GLIS3: variants seen among roughly 807,000 people sequenced by gnomAD.
GLIS3 encodes GLIS family zinc finger 3.
GLIS3 carries 53 observed loss-of-function variants against 78.6 expected under a neutral mutation model. The ratio of observed to expected loss-of-function variants is 0.67; its 90% confidence interval spans 0.54 to 0.85. GLIS3 has a LOEUF of 0.85. Among genes scored for constraint, GLIS3 ranks in the 40% least tolerant of loss-of-function variants. The pLI, the probability that GLIS3 is intolerant of heterozygous loss-of-function variation, is 0.00. For missense variants in GLIS3, 1,703 were observed against 1,231.1 expected (o/e 1.38, Z -5.74); for synonymous variants, 684 against 509.9 (o/e 1.34, Z -4.60).
At chr9:4,134,019 A>G (rs980757605) in intron 2 of GLIS3, among the ~76,000 whole-genome samples, 3 of 152,230 alleles carry the variant, frequency 2.0e-5, no homozygotes, top group African/African-American at 4.8e-5. Context: ...AAATACCTCA[A>G]GAACATTTTA....
the GLIS3 span, among the ~76,000 whole-genome samples, chr9:4,357,955 AT>A: frequency 1.3e-5 from 2 of 152,224 alleles, no homozygotes; most frequent in African/African-American, 4.8e-5. Flanking sequence ...TAAACAAGTT[AT>A]ATTACATCTA....
chr9:4,140,260 G>A (rs535450233), intron 2 of GLIS3, among the ~76,000 whole-genome samples: 7 of 152,080 alleles, frequency 4.6e-5, no homozygotes, highest in African/African-American at 1.4e-4. Flanking sequence ...GGAGGTCAAG[G>A]CTGCAGTGAG....
intron 6 of GLIS3, chr9:3,901,091 G>C (rs1356781873): frequency 6.5e-6 from 1 of 152,678 alleles, no homozygotes; most frequent in Non-Finnish European, 1.5e-5. Context: ...CGCACCTTGT[G>C]ACATTCTTCC....
chr9:3,899,176 A>T (rs10122837), intron 6 of GLIS3, among the ~76,000 whole-genome samples: 138,592 of 152,204 alleles, frequency 0.91, 63,632 homozygotes, highest in East Asian at 1. Flanking sequence ...ACTCAAGTAG[A>T]TTTAGTCCAT....
the GLIS3 span, among the ~76,000 whole-genome samples, chr9:4,400,780 T>C: frequency 6.6e-6 from 1 of 152,176 alleles, no homozygotes; most frequent in Non-Finnish European, 1.5e-5. Context: ...CTCCAGGCCC[T>C]AGCTCCTGGA....
intron 4 of GLIS3, among the ~76,000 whole-genome samples, chr9:3,950,699 T>TGATGCTATAAGGC (rs1816619010): frequency 6.6e-6 from 1 of 152,256 alleles, no homozygotes; most frequent in African/African-American, 2.4e-5. Context: ...AGCATCCTCA[T>TGATGCTATAAGGC]GGAACGTGAG....
chr9:4,469,169 T>C, the GLIS3 span, among the ~76,000 whole-genome samples: 5 of 152,086 alleles, frequency 3.3e-5, no homozygotes, highest in Admixed American at 6.6e-5. Flanking sequence ...AGACTTAGAC[T>C]CCTACACAAT....
the GLIS3 span, among the ~76,000 whole-genome samples, chr9:4,415,211 A>C: frequency 6.6e-6 from 1 of 152,118 alleles, no homozygotes; most frequent in Non-Finnish European, 1.5e-5. Context: ...TTACCACCCC[A>C]TTGACTCCCT....
intron 2 of GLIS3, among the ~76,000 whole-genome samples, chr9:4,191,295 T>C (rs1818312629): frequency 6.6e-6 from 1 of 152,202 alleles, no homozygotes; most frequent in Non-Finnish European, 1.5e-5. Flanking sequence ...TTTTCTTCTT[T>C]CTTAGTGATA....
At chr9:4,318,031 C>A (rs1159549479) in intron 2 of GLIS3, among the ~76,000 whole-genome samples, 5 of 152,156 alleles carry the variant, frequency 3.3e-5, no homozygotes. Flanking sequence ...AGAAAAGCAA[C>A]TAGAAAAATT....
intron 4 of GLIS3, among the ~76,000 whole-genome samples, chr9:3,957,046 C>A (rs1161979772): frequency 6.6e-6 from 1 of 152,192 alleles, no homozygotes; most frequent in Non-Finnish European, 1.5e-5. Context: ...CCTGAAAAAT[C>A]TTTACTAGGC....
rs183135792 is a variant in GLIS3 at position 3,998,120 on chromosome 9, T to C, written c.1711-60931A>G. Among the ~76,000 whole-genome samples, 781 of 152,278 alleles carry C rather than the reference T, an allele frequency of 5.1e-3. 3 individuals carry two copies. The highest frequency in any genetic ancestry group is 8.4e-3 in the Non-Finnish European group (570 of 68,008). On this transcript the variant is annotated intron_variant, in intron 4 of 10. Coordinates refer to ENST00000381971, the MANE Select transcript of GLIS3 (RefSeq NM_001042413.2). ...AGCTCAAGCATCTCTATGACATGATTCCCATTACTCTTTGAGCATCTCCTT... is the reference window on the plus strand; with the variant it reads ...AGCTCAAGCATCTCTATGACATGATCCCCATTACTCTTTGAGCATCTCCTT...
intron 4 of GLIS3, among the ~76,000 whole-genome samples, chr9:4,043,963 G>C (rs1825040857): frequency 6.6e-6 from 1 of 152,144 alleles, no homozygotes; most frequent in African/African-American, 2.4e-5. Context: ...CCCACAGCCG[G>C]CTGTTGTCAC....
intron 5 of GLIS3, chr9:3,933,011 T>A: frequency 4.3e-6 from 1 of 235,194 alleles, no homozygotes. Flanking sequence ...ACGTGAAAAA[T>A]CTTCCAAAGA....
chr9:4,078,250 T>C (rs1407205382), intron 4 of GLIS3, among the ~76,000 whole-genome samples: 9 of 152,218 alleles, frequency 5.9e-5, no homozygotes, highest in Admixed American at 2.6e-4. Context: ...ACCCAATATG[T>C]ATCAAAGCAG....
At chr9:4,314,421 GCATGCA>G (rs755109029) in intron 2 of GLIS3, among the ~76,000 whole-genome samples, 1 of 152,180 alleles carries the variant, frequency 6.6e-6, no homozygotes, top group Non-Finnish European at 1.5e-5. Context: ...AAAAAAAGAT[GCATGCA>G]CACAATATGT....
intron 4 of GLIS3, among the ~76,000 whole-genome samples, chr9:4,077,629 C>A (rs1343211519): frequency 1.3e-5 from 2 of 152,170 alleles, no homozygotes; most frequent in South Asian, 2.1e-4. Context: ...CTTTGAGACA[C>A]TGGAAATCTA....
intron 2 of GLIS3, among the ~76,000 whole-genome samples, chr9:4,167,251 G>A (rs1488254713): frequency 6.6e-6 from 1 of 152,136 alleles, no homozygotes; most frequent in Non-Finnish European, 1.5e-5. Flanking sequence ...GTATTTCGTT[G>A]GTCAAATTCC....
the GLIS3 span, among the ~76,000 whole-genome samples, chr9:4,366,485 C>T: frequency 3.3e-5 from 5 of 152,136 alleles, no homozygotes; most frequent in African/African-American, 1.2e-4. Context: ...TGACCCACAG[C>T]TTGGGGGTCA....
Sources: allele counts gnomAD v4.1 joint callset (sites outside exome capture counted in the v4.1 genomes callset), GRCh38; gene constraint gnomAD v4.1.1; transcripts MANE v1.5; gene names NCBI Gene and HGNC (gene_info 2026-07-23, HGNC 2026-07-21).